LRRC4C: variants seen among roughly 807,000 people sequenced by gnomAD.
The protein encoded by LRRC4C is leucine-rich repeat-containing protein 4C.
In LRRC4C, 5 loss-of-function variants were observed where a neutral mutation model predicts 33.6. The observed-to-expected ratio is 0.15, with a 90% CI of 0.08 to 0.31. The LOEUF is 0.31. LRRC4C is among the 10% of genes least tolerant of loss of function. The pLI is 1.00. For missense variants in LRRC4C, 560 were observed against 796.7 expected (o/e 0.70, Z 3.58); for synonymous variants, 329 against 302.0 (o/e 1.09, Z -0.93).
chr11:40,818,462 G>C (rs1357088066), intron 2 of LRRC4C, among the ~76,000 whole-genome samples: 3 of 151,954 alleles, frequency 2.0e-5, no homozygotes, highest in Admixed American at 6.6e-5. Flanking sequence ...AAAGTTAGTT[G>C]AGCTTATTTT....
intron 3 of LRRC4C, among the ~76,000 whole-genome samples, chr11:40,540,505 A>G (rs936873101): frequency 3.3e-5 from 5 of 152,090 alleles, no homozygotes; most frequent in African/African-American, 1.2e-4. Flanking sequence ...CAAATATTTT[A>G]TAAATTGTAG....
intron 1 of LRRC4C, among the ~76,000 whole-genome samples, chr11:41,004,757 CTCAGGACCTCCTGAGGCTGT>C: frequency 8.7e-6 from 1 of 114,714 alleles, no homozygotes; most frequent in Non-Finnish European, 2.1e-5. Context: ...GGCACATGTT[CTCAGGACCTCCTGAGGCTGT>C]GTCACAGAAA....
chr11:40,483,108 T>C (rs1375919111), intron 3 of LRRC4C, among the ~76,000 whole-genome samples: 2 of 152,248 alleles, frequency 1.3e-5, no homozygotes, highest in African/African-American at 2.4e-5. Flanking sequence ...AAACCCTTTT[T>C]AGATGTGAGA....
intron 1 of LRRC4C, among the ~76,000 whole-genome samples, chr11:41,174,496 T>C (rs993851336): frequency 2.6e-5 from 4 of 152,080 alleles, no homozygotes; most frequent in Admixed American, 2.6e-4. Flanking sequence ...AAAATATAAG[T>C]CATATTTTGG....
intron 1 of LRRC4C, among the ~76,000 whole-genome samples, chr11:40,984,371 GAAA>G: frequency 1.8e-5 from 1 of 56,100 alleles, no homozygotes; most frequent in Non-Finnish European, 4.6e-5. Flanking sequence ...AAAAAAGAAA[GAAA>G]GAAAGAAAGA....
chr11:41,210,469 C>T (rs1017180746), intron 1 of LRRC4C, among the ~76,000 whole-genome samples: 2 of 152,132 alleles, frequency 1.3e-5, no homozygotes, highest in African/African-American at 4.8e-5. Context: ...TGTGAGCCCT[C>T]CCCAGCCACA....
chr11:41,017,137 T>C (rs1274125839), intron 1 of LRRC4C, among the ~76,000 whole-genome samples: 1 of 152,170 alleles, frequency 6.6e-6, no homozygotes, highest in East Asian at 1.9e-4. Flanking sequence ...AGAGCAAAAA[T>C]AAAATTATTT....
intron 1 of LRRC4C, among the ~76,000 whole-genome samples, chr11:40,956,449 C>T (rs1958959123): frequency 6.6e-6 from 1 of 151,612 alleles, no homozygotes; most frequent in African/African-American, 2.4e-5. Flanking sequence ...ATACTGGGCA[C>T]TGTTTAGTAC....
chr11:40,244,671 T>A (rs1321050264), intron 4 of LRRC4C, among the ~76,000 whole-genome samples: 1 of 152,152 alleles, frequency 6.6e-6, no homozygotes, highest in African/African-American at 2.4e-5. Context: ...TAAACTCGTA[T>A]GCCTTCTCAC....
At chr11:40,957,980 G>C (rs1409699001) in intron 1 of LRRC4C, among the ~76,000 whole-genome samples, 1 of 151,614 alleles carries the variant, frequency 6.6e-6, no homozygotes, top group African/African-American at 2.4e-5. Context: ...CTTTGGAGGT[G>C]ATTACGTCCT....
chr11:40,189,085 C>G (rs138614101), intron 5 of LRRC4C, among the ~76,000 whole-genome samples: 4 of 152,090 alleles, frequency 2.6e-5, no homozygotes, highest in African/African-American at 4.8e-5. Flanking sequence ...TTTATTCATA[C>G]GCTTGGGCTC....
At chr11:40,493,272 C>A in intron 3 of LRRC4C, among the ~76,000 whole-genome samples, 1 of 152,020 alleles carries the variant, frequency 6.6e-6, no homozygotes, top group Non-Finnish European at 1.5e-5. Flanking sequence ...TAGGCTTGTA[C>A]TATATAATTT....
At chr11:40,255,293 A>G (rs10732493) in intron 4 of LRRC4C, among the ~76,000 whole-genome samples, 119,946 of 151,962 alleles carry the variant, frequency 0.79, 50,415 homozygotes, top group East Asian at 0.95. Context: ...GCTCTAGAGC[A>G]TTTCAAGCAG....
At chr11:41,249,486 C>T (rs553243356) in intron 1 of LRRC4C, among the ~76,000 whole-genome samples, 1 of 152,082 alleles carries the variant, frequency 6.6e-6, no homozygotes, top group Non-Finnish European at 1.5e-5. Context: ...TCACCTGTGC[C>T]CTCCTAAGGT....
At chr11:41,168,545 A>T (rs1944831436) in intron 1 of LRRC4C, among the ~76,000 whole-genome samples, 1 of 152,040 alleles carries the variant, frequency 6.6e-6, no homozygotes, top group Non-Finnish European at 1.5e-5. Context: ...AACTTGGGAA[A>T]CCCTCATCAA....
chr11:41,221,627 A>G (rs929210962), intron 1 of LRRC4C, among the ~76,000 whole-genome samples: 14 of 152,230 alleles, frequency 9.2e-5, no homozygotes, highest in Non-Finnish European at 1.5e-5. Flanking sequence ...ACTATTTACA[A>G]TAGTAAAGAT....
intron 1 of LRRC4C, among the ~76,000 whole-genome samples, chr11:41,009,474 T>C (rs1855015109): frequency 6.6e-6 from 1 of 152,088 alleles, no homozygotes; most frequent in South Asian, 2.1e-4. Context: ...CAAGAGGTTG[T>C]GAGCTTTGCT....
intron 1 of LRRC4C, among the ~76,000 whole-genome samples, chr11:41,137,699 A>G (rs1437207430): frequency 6.6e-6 from 1 of 152,244 alleles, no homozygotes; most frequent in African/African-American, 2.4e-5. Flanking sequence ...GGAGAAAAAA[A>G]TATAAATAAA....
At chr11:40,792,748 C>A (rs901195743) in intron 2 of LRRC4C, among the ~76,000 whole-genome samples, 14 of 151,958 alleles carry the variant, frequency 9.2e-5, no homozygotes, top group Non-Finnish European at 1.6e-4. Flanking sequence ...AAATGTCCAA[C>A]AATGATAGAC....
Sources: gnomAD v4.1 joint callset for allele counts (sites outside exome capture counted in the v4.1 genomes callset) on GRCh38, gnomAD v4.1.1 for gene constraint, MANE v1.5 for transcripts, NCBI Gene and HGNC (gene_info 2026-07-23, HGNC 2026-07-21) for gene names.